ATP11C: variants seen among roughly 807,000 people sequenced by gnomAD.
ATP11C encodes phospholipid-transporting ATPase IG.
ATP11C carries 36 observed loss-of-function variants against 97.4 expected under a neutral mutation model. That is an observed-to-expected ratio of 0.37 (90% CI 0.28 to 0.49). ATP11C has a LOEUF of 0.49. ATP11C is among the 20% of genes least tolerant of loss of function. ATP11C has a pLI of 0.98. For missense variants in ATP11C, 730 were observed against 824.6 expected (o/e 0.89, Z 1.40); for synonymous variants, 275 against 290.9 (o/e 0.95, Z 0.56).
chrX:139,913,852 A>G (rs113827146), intron 1 of ATP11C, among the ~76,000 whole-genome samples: 2 of 111,757 alleles, frequency 1.8e-5, no homozygotes, highest in Non-Finnish European at 3.8e-5. Context: ...GTGAAACAGT[A>G]CTTCCTAAAA....
At chrX:139,885,567 T>C (rs1474452489) in intron 1 of ATP11C, 1 of 111,945 alleles carries the variant, frequency 8.9e-6, no homozygotes, top group Non-Finnish European at 1.9e-5. Context: ...GGTTAAGGAA[T>C]TGCTACCTAC....
At chrX:139,747,997 GCA>G (rs901515358) in intron 24 of ATP11C, among the ~76,000 whole-genome samples, 5 of 111,715 alleles carry the variant, frequency 4.5e-5, no homozygotes, top group Admixed American at 2.8e-4. Flanking sequence ...CCTACACCTA[GCA>G]CAGTCACTAA....
intron 1 of ATP11C, among the ~76,000 whole-genome samples, chrX:139,862,903 G>C (rs979568375): frequency 2.7e-5 from 3 of 111,431 alleles, no homozygotes; most frequent in African/African-American, 9.8e-5. Flanking sequence ...TGGTGCCTTG[G>C]GGAATAACTG....
intron 1 of ATP11C, among the ~76,000 whole-genome samples, chrX:139,908,606 G>A (rs2085020225): frequency 8.9e-6 from 1 of 112,224 alleles, no homozygotes; most frequent in South Asian, 3.7e-4. Flanking sequence ...GTATGTTGGG[G>A]TGGATATGAG....
chrX:139,879,109 AAAAACAAAAC>A (rs1169346778), intron 1 of ATP11C, among the ~76,000 whole-genome samples: 2 of 110,864 alleles, frequency 1.8e-5, no homozygotes, highest in African/African-American at 6.6e-5. Flanking sequence ...ACCTCATGTC[AAAAACAAAAC>A]AAAACAAAAC....
In ATP11C at chrX:139,761,953, T is replaced by A; in HGVS notation, c.2640+8A>T. On this transcript the variant is annotated splice_region_variant and intron_variant, in intron 22 of 29. Coordinates refer to ENST00000682941, the MANE Select transcript of ATP11C (RefSeq NM_001353812.2). ...AAGAAATTAAATTACATATATTTTA[T>A]CACATACCTTATAGAAGAAGTACTG... 1.8e-6 allele frequency: 2 copies of A among 1,126,041 alleles called. No individual in the cohort carries two copies. The highest frequency in any genetic ancestry group is 2.3e-5 in the South Asian group (1 of 43,296). 92.8% of individuals were successfully genotyped at this position (1,126,041 alleles called of 1,213,427 possible). A position where few individuals can be genotyped will look rare whatever the true frequency, so the allele number is the denominator to read the frequency against.
rs1477466361 is a variant in ATP11C, at chrX:139,847,286, G to C, written c.28-20463C>G. ...TAGTCCAAGCTACTCGGGAGATTGA[G>C]GCAGGAGGATCAGTTGACCCTGGGA... On this transcript the variant is annotated intron_variant, in intron 1 of 29. Coordinates refer to ENST00000682941, the MANE Select transcript of ATP11C (RefSeq NM_001353812.2). 4.5e-5 allele frequency among the ~76,000 whole-genome samples: 5 copies of C among 111,027 alleles called. No homozygotes were observed. In the Admixed American group the frequency reaches 4.8e-4, roughly 11 times the overall value.
chrX:139,870,915 G>A lies in ATP11C; in HGVS notation c.28-44092C>T, dbSNP rs376821885. Among the ~76,000 whole-genome samples, 35 of 108,729 alleles carry A rather than the reference G, an allele frequency of 3.2e-4. No individual in the cohort carries two copies. The East Asian group carries it at 9.6e-3, about 30-fold the overall frequency. 94.4% of individuals were successfully genotyped at this position (108,729 alleles called of 115,157 possible). A position where few individuals can be genotyped will look rare whatever the true frequency, so the allele number is the denominator to read the frequency against. Reference sequence around the variant, plus strand: ...GCTAAAAATACAAAAAATTAGCCGGGCGCGGTGGCGGGCGCCTGTAGTCCC... The same window carrying A: ...GCTAAAAATACAAAAAATTAGCCGGACGCGGTGGCGGGCGCCTGTAGTCCC... On this transcript the variant is annotated intron_variant, in intron 1 of 29. Transcript: ENST00000682941.
chrX:139,832,278 G>A, intron 1 of ATP11C: 8 of 1,165,800 alleles, frequency 6.9e-6, no homozygotes, highest in Admixed American at 2.5e-5. Context: ...CAACCCCTGT[G>A]ATCCTTGTAA....
intron 2 of ATP11C, among the ~76,000 whole-genome samples, chrX:139,823,079 G>A (rs902437011): frequency 4.5e-5 from 5 of 110,057 alleles, no homozygotes; most frequent in African/African-American, 1.7e-4. Context: ...TTAGCCAGGC[G>A]GGCGCCTGTA....
intron 25 of ATP11C, among the ~76,000 whole-genome samples, chrX:139,745,155 G>T (rs183538647): frequency 3.6e-5 from 4 of 111,504 alleles, no homozygotes; most frequent in East Asian, 5.7e-4. Flanking sequence ...TTTTCTCCTA[G>T]AGTACAGCCA....
intron 1 of ATP11C, among the ~76,000 whole-genome samples, chrX:139,878,278 T>C (rs1005418828): frequency 8.9e-6 from 1 of 111,734 alleles, no homozygotes; most frequent in African/African-American, 3.3e-5. Context: ...ATAATTATTG[T>C]TACCCTTGAA....
At chrX:139,887,987 C>A (rs67976632) in intron 1 of ATP11C, among the ~76,000 whole-genome samples, 4,878 of 84,532 alleles carry the variant, frequency 0.058, 267 homozygotes, top group East Asian at 0.28. Context: ...AAAAAAAAAA[C>A]ACACACACAA....
intron 1 of ATP11C, among the ~76,000 whole-genome samples, chrX:139,839,640 C>A (rs1007835067): frequency 9.0e-6 from 1 of 111,459 alleles, no homozygotes; most frequent in African/African-American, 3.3e-5. Context: ...TGCACAGTAC[C>A]CTGAGGGCTA....
chrX:139,811,502 A>C (rs981323720), intron 5 of ATP11C, among the ~76,000 whole-genome samples: 2 of 111,055 alleles, frequency 1.8e-5, no homozygotes, highest in Non-Finnish European at 3.8e-5. Flanking sequence ...ATTTTCTTTA[A>C]TAGCACTATG....
At chrX:139,770,601 C>T (rs1462577621) in intron 19 of ATP11C, among the ~76,000 whole-genome samples, 1 of 109,402 alleles carries the variant, frequency 9.1e-6, no homozygotes, top group Non-Finnish European at 1.9e-5. Context: ...GTGGGTGGGG[C>T]ACTAGAGGTG....
At chrX:139,755,199 C>A (rs934745019) in intron 23 of ATP11C, among the ~76,000 whole-genome samples, 2 of 111,669 alleles carry the variant, frequency 1.8e-5, no homozygotes, top group Non-Finnish European at 3.8e-5. Flanking sequence ...AACATCCAAG[C>A]TGAGAGCCAA....
chrX:139,914,804 C>A (rs1463405316), intron 1 of ATP11C, among the ~76,000 whole-genome samples: 1 of 111,876 alleles, frequency 8.9e-6, no homozygotes, highest in Non-Finnish European at 1.9e-5. Context: ...CTCCAACTTG[C>A]AGACTGCAGA....
At chrX:139,795,312 T>C (rs1391133776) in intron 12 of ATP11C, among the ~76,000 whole-genome samples, 2 of 111,727 alleles carry the variant, frequency 1.8e-5, no homozygotes, top group Non-Finnish European at 3.8e-5. Flanking sequence ...GTGGGTACTT[T>C]GATTTAGGCA....
Sources: gnomAD v4.1 joint callset for allele counts (sites outside exome capture counted in the v4.1 genomes callset) on GRCh38, gnomAD v4.1.1 for gene constraint, MANE v1.5 for transcripts, NCBI Gene and HGNC (gene_info 2026-07-23, HGNC 2026-07-21) for gene names.